Variants in PLCH2 observed in about 807,000 individuals in gnomAD.
PLCH2 encodes the protein phospholipase C eta 2.
In PLCH2, 98 loss-of-function variants were observed where a neutral mutation model predicts 134.7. The observed-to-expected ratio is 0.73, with a 90% CI of 0.62 to 0.86. The LOEUF (loss-of-function observed/expected upper bound fraction) is 0.86. Among genes scored for constraint, PLCH2 ranks in the 40% least tolerant of loss-of-function variants. The probability of loss-of-function intolerance (pLI) is 0.00; values close to 1 mark genes in which losing one functional copy is unlikely to be tolerated. For missense variants in PLCH2, 1,994 were observed against 1,986.6 expected, an observed-to-expected ratio of 1.00 and a Z score of -0.07; for synonymous variants, 974 against 827.5, an observed-to-expected ratio of 1.18 and a Z score of -3.04.
chr1:2,477,448 T>C (rs1013853759), intron 1 of PLCH2, among the ~76,000 whole-genome samples: 4 of 152,196 alleles, frequency 2.6e-5, no homozygotes, highest in African/African-American at 9.7e-5. Flanking sequence ...CCCTTGGTCC[T>C]CTACAACGCC....
intron 20 of PLCH2, 160 bp from the exon 21 acceptor site, chr1:2,501,952 C>T (rs1452330964): frequency 5.0e-6 from 3 of 602,532 alleles, no homozygotes; most frequent in Non-Finnish European, 8.3e-6. Flanking sequence ...TCCTGAAGGC[C>T]CTGGTGTGTC....
chr1:2,480,344 G>A (rs778968237), intron 4 of PLCH2, 32 bp downstream of exon 4: 11 of 1,602,794 alleles, frequency 6.9e-6, no homozygotes, highest in Non-Finnish European at 9.4e-6. Flanking sequence ...CTGGGCTCCA[G>A]AGCCAGGGCT....
intron 1 of PLCH2, among the ~76,000 whole-genome samples, 193 bp downstream of exon 1, chr1:2,476,905 A>G (rs1171342848): frequency 2.6e-5 from 4 of 152,050 alleles, no homozygotes; most frequent in Non-Finnish European, 2.9e-5. Context: ...TCAGCCGCTC[A>G]GAGGCGTGCT....
At chr1:2,455,012 C>T (rs1021230510) in intron 2 of PLCH2, among the ~76,000 whole-genome samples, 8 of 152,126 alleles carry the variant, frequency 5.3e-5, no homozygotes, top group South Asian at 2.1e-4. Flanking sequence ...TGAGCACATG[C>T]GCCCAGCTGT....
intron 21 of PLCH2, chr1:2,503,475 T>G: frequency 1.6e-6 from 1 of 614,816 alleles, no homozygotes; most frequent in East Asian, 2.8e-5. Flanking sequence ...CTTCGCTGCT[T>G]TGGGCTGAAG....
chr1:2,499,591 G>A (rs764076470), intron 19 of PLCH2, 50 bp from the exon 20 acceptor site: 2 of 1,361,024 alleles, frequency 1.5e-6, no homozygotes, highest in South Asian at 2.5e-5. Flanking sequence ...AGCAGGTGGG[G>A]GCCCTGGGAG....
intron 5 of PLCH2, among the ~76,000 whole-genome samples, chr1:2,486,590 C>T (rs781607102): frequency 2.8e-4 from 43 of 152,374 alleles, no homozygotes; most frequent in Non-Finnish European, 5.3e-4. Flanking sequence ...GATTCTTGCT[C>T]TCCTGTACCC....
intron 2 of PLCH2, among the ~76,000 whole-genome samples, chr1:2,446,725 C>A (rs1237441256): frequency 6.6e-6 from 1 of 152,182 alleles, no homozygotes; most frequent in East Asian, 1.9e-4. Flanking sequence ...CCAACCTGGG[C>A]CCATGCAGAG....
In PLCH2 at chr1:2,504,151, C is replaced by A. The variant is rs765118901; in HGVS notation, c.3189C>A (p.Gly1063=). 2 of 1,522,858 alleles carry A rather than the reference C, an allele frequency of 1.3e-6. No individual in the cohort carries two copies. The highest frequency in any genetic ancestry group is 1.4e-5 in the African/African-American group (1 of 71,278). The allele number at this position is 1,522,858 out of a possible 1,614,324, so 94.3% of individuals were successfully genotyped here. The part of the protein sequence containing the change: ...DSRPRPCNGE[G]AGGAYERAPG... ...GGCCTCGGCCGTGCAACGGCGAGGGCGCCGGCGGGGCATACGAGAGGGCCC... is the reference window on the plus strand; with the variant it reads ...GGCCTCGGCCGTGCAACGGCGAGGGAGCCGGCGGGGCATACGAGAGGGCCC... Residue 1063 remains glycine, a synonymous_variant, in exon 22 of 22, where the codon GGC becomes GGA. Coordinates refer to ENST00000378486, the MANE Select transcript of PLCH2 (RefSeq NM_014638.4).
intron 4 of PLCH2, 58 bp from the exon 5 acceptor site, chr1:2,484,390 C>T: frequency 6.4e-7 from 1 of 1,565,146 alleles, no homozygotes; most frequent in Non-Finnish European, 8.7e-7. Context: ...CTGAAGGACC[C>T]CTGTGCATGC....
chr1:2,427,431 A>C (rs1197789672), intron 1 of PLCH2, among the ~76,000 whole-genome samples: 1 of 152,200 alleles, frequency 6.6e-6, no homozygotes, highest in East Asian at 1.9e-4. Flanking sequence ...TCTGGGCCTC[A>C]ATCTCTCCCT....
chr1:2,499,846 C>G (rs1643119277), intron 20 of PLCH2, 126 bp downstream of exon 20: 2 of 740,408 alleles, frequency 2.7e-6, no homozygotes, highest in Non-Finnish European at 4.7e-6. Flanking sequence ...GGTCCCCTCC[C>G]CGGGCCTCTG....
chr1:2,468,069 C>T (rs532042982), intron 1 of PLCH2, among the ~76,000 whole-genome samples: 3 of 151,004 alleles, frequency 2.0e-5, no homozygotes, highest in Admixed American at 6.6e-5. Flanking sequence ...GCACACTGCT[C>T]GGGTGGGGGG....
the PLCH2 span, among the ~76,000 whole-genome samples, chr1:2,416,828 G>A: frequency 1.3e-5 from 2 of 152,336 alleles, no homozygotes; most frequent in East Asian, 1.9e-4. Context: ...TGGGGCTCGG[G>A]CAGGTGGTCC....
At chr1:2,433,583 G>A (rs570267314) in intron 2 of PLCH2, among the ~76,000 whole-genome samples, 2 of 152,330 alleles carry the variant, frequency 1.3e-5, no homozygotes, top group South Asian at 2.1e-4. Flanking sequence ...CCTCCCCGGG[G>A]GCTTTCTGAC....
chr1:2,503,832 G>T (rs1402177236), intron 21 of PLCH2, 90 bp from the exon 22 acceptor site: 2 of 639,204 alleles, frequency 3.1e-6, no homozygotes, highest in African/African-American at 3.6e-5. Context: ...ACACCACCCT[G>T]ATCCGACTCC....
At chr1:2,484,734 A>G in intron 5 of PLCH2, 116 bp downstream of exon 5, 1 of 1,180,210 alleles carries the variant, frequency 8.5e-7, no homozygotes, top group Non-Finnish European at 1.2e-6. Flanking sequence ...AAGCTATCCC[A>G]GGCCAGGGAT....
At chr1:2,460,014 A>T (rs536241367) in intron 2 of PLCH2, among the ~76,000 whole-genome samples, 2 of 152,252 alleles carry the variant, frequency 1.3e-5, no homozygotes, top group Non-Finnish European at 2.9e-5. Flanking sequence ...CTGAGCTGGG[A>T]CCTGGGCCAA....
At position 2,426,687 on chromosome 1, in the gene PLCH2, G is replaced by A. The variant is rs552622175; in HGVS notation, c.-178+650G>A. On this transcript the variant is annotated intron_variant, in intron 1 of 3. Coordinates refer to the PLCH2 transcript ENST00000609981. ...GAAGCTGGCCCCTGAGCGCAGATGT[G>A]CAGGCTGGCATTCCTGCCCGCTGTG... Among the ~76,000 whole-genome samples the A allele has an allele frequency of 2.6e-5, 4 of 152,384 alleles. No homozygotes were observed. In the South Asian group the frequency reaches 8.3e-4, roughly 32 times the overall value.
Sources: allele counts gnomAD v4.1 joint callset (sites outside exome capture counted in the v4.1 genomes callset), GRCh38; gene constraint gnomAD v4.1.1; transcripts MANE v1.5; gene names NCBI Gene and HGNC (gene_info 2026-07-23, HGNC 2026-07-21).